FAM204A: variants seen among roughly 807,000 people sequenced by gnomAD.
FAM204A encodes the protein protein FAM204A.
In FAM204A, 16 loss-of-function variants were observed where a neutral mutation model predicts 35.4. The ratio of observed to expected loss-of-function variants is 0.45; its 90% CI spans 0.31 to 0.69. The LOEUF is 0.69. Among genes scored for constraint, FAM204A ranks in the 30% least tolerant of loss-of-function variants. The probability of loss-of-function intolerance (pLI) is 0.07; values close to 1 mark genes in which losing one functional copy is unlikely to be tolerated. For synonymous variants in FAM204A, 76 were observed against 86.9 expected (o/e 0.88, Z 0.70); for missense variants, 240 against 265.7 (o/e 0.90, Z 0.67).
At chr10:118,312,878 C>T (rs537561890) in intron 7 of FAM204A, among the ~76,000 whole-genome samples, 6 of 152,258 alleles carry the variant, frequency 3.9e-5, no homozygotes, top group Non-Finnish European at 7.4e-5. Context: ...TTGAGTGAAA[C>T]GGGTTGTTTT....
In FAM204A at chr10:118,303,198, G is replaced by A. The variant is rs1845827784; in HGVS notation, c.*7659C>T. ...TGTCTTTGGCTTTCTTAGAGGAATAGTGCAAGAGCACTGTATGGGAAGAGT... is the reference window on the plus strand; with the variant it reads ...TGTCTTTGGCTTTCTTAGAGGAATAATGCAAGAGCACTGTATGGGAAGAGT... On this transcript the variant is annotated 3_prime_UTR_variant, in exon 9 of 9. Coordinates refer to ENST00000369183, the MANE Select transcript of FAM204A (RefSeq NM_022063.3). 2.0e-5 allele frequency: 3 copies of A among 152,224 alleles called. No individual in the cohort carries two copies. Among genetic ancestry groups the A allele is most frequent in the Non-Finnish European group, 2.9e-5 (2 of 68,052 alleles). 9.4% of individuals were successfully genotyped at this position (152,224 alleles called of 1,614,324 possible).
intron 6 of FAM204A, among the ~76,000 whole-genome samples, chr10:118,328,385 A>G (rs975366876): frequency 6.6e-6 from 1 of 152,188 alleles, no homozygotes; most frequent in African/African-American, 2.4e-5. Flanking sequence ...GACTAGCAGT[A>G]TCAACATTAC....
At chr10:118,336,140 A>C (rs1190676439) in intron 3 of FAM204A, 42 bp downstream of exon 3, 4 of 1,589,886 alleles carry the variant, frequency 2.5e-6, no homozygotes, top group Admixed American at 1.7e-5. Context: ...AGGCATGTGC[A>C]CACACACAGG....
intron 6 of FAM204A, among the ~76,000 whole-genome samples, chr10:118,327,497 CTT>C (rs1184793210): frequency 6.6e-6 from 1 of 152,206 alleles, no homozygotes; most frequent in Non-Finnish European, 1.5e-5. Context: ...GCTTCATAGT[CTT>C]TGACCTGAGG....
chr10:118,314,715 A>AT, intron 7 of FAM204A, among the ~76,000 whole-genome samples: 1 of 152,216 alleles, frequency 6.6e-6, no homozygotes, highest in East Asian at 1.9e-4. Context: ...TCAGATAACT[A>AT]TAGCAACACA....
In FAM204A at chr10:118,335,570, T is replaced by A. The variant is rs1846370782; in HGVS notation, c.306A>T (p.Arg102Ser). Residue 102 changes from arginine to serine, a missense_variant, in exon 4 of 9, where the codon AGA becomes AGT. By Grantham distance (110) the Arg-to-Ser change is moderately radical. This residue lies in a region of FAM204A where 232 missense variants were observed against 242.8 expected (regional missense o/e 0.96). Coordinates refer to ENST00000369183, the MANE Select transcript of FAM204A (RefSeq NM_022063.3). ...ACAAAACACCTTTTCTGGAGCGTTT[T>A]CTTCTTTTCCCTCTGAATCTTGAGG... ...STTSRFRGKR[R>S]KRSRKDKLKN... 10 of 1,611,698 alleles carry A rather than the reference T, an allele frequency of 6.2e-6. No individual in the cohort carries two copies. Among genetic ancestry groups the A allele is most frequent in the Non-Finnish European group, 6.8e-6 (8 of 1,179,404 alleles).
At chr10:118,337,715 T>A (rs1234152888) in intron 2 of FAM204A, among the ~76,000 whole-genome samples, 7 of 152,162 alleles carry the variant, frequency 4.6e-5, no homozygotes, top group Non-Finnish European at 1.0e-4. Flanking sequence ...TGACCCTCAA[T>A]TTCTTTATCT....
chr10:118,312,712 A>C (rs1479645219), intron 7 of FAM204A, among the ~76,000 whole-genome samples: 2 of 152,210 alleles, frequency 1.3e-5, no homozygotes, highest in Non-Finnish European at 2.9e-5. Context: ...TGTAAAGCAG[A>C]CCAACCTCGG....
In FAM204A at chr10:118,300,791, C is replaced by T. The variant is rs945926428; in HGVS notation, c.*10066G>A. The T allele has an allele frequency of 9.9e-5, 15 of 152,114 alleles. No homozygotes were observed. Among genetic ancestry groups the T allele is most frequent in the Admixed American group, 9.8e-4 (15 of 15,274 alleles). 9.4% of individuals were successfully genotyped at this position (152,114 alleles called of 1,614,324 possible). On this transcript the variant is annotated 3_prime_UTR_variant, in exon 9 of 9. Transcript: ENST00000369183. ...CCTGAAAGGAAGTACAGTACTGGGG[C>T]CTTACTTCCCTAAAGACCCAGGGAG...
chr10:118,331,891 G>A (rs117867665), intron 6 of FAM204A, among the ~76,000 whole-genome samples: 6,681 of 148,684 alleles, frequency 0.045, 206 homozygotes, highest in Non-Finnish European at 0.06. Flanking sequence ...AATCAATTGA[G>A]TCGGCTGGGT....
rs1845876872 is a variant in FAM204A at position 118,307,226 on chromosome 10, G to A, written c.*3631C>T. 1 of 152,156 alleles carries A rather than the reference G, an allele frequency of 6.6e-6. No individual in the cohort carries two copies. The highest frequency in any genetic ancestry group is 2.1e-4 in the South Asian group (1 of 4,830). 9.4% of individuals were successfully genotyped at this position (152,156 alleles called of 1,614,324 possible). The stretch of plus-strand genomic sequence containing the variant: ...TTTTCGACCCGTCACCATGCTAGAA[G>A]GCACTGATGTCACAAATACCAGTCT... On this transcript the variant is annotated 3_prime_UTR_variant, in exon 9 of 9. Coordinates refer to ENST00000369183, the MANE Select transcript of FAM204A (RefSeq NM_022063.3).
chr10:118,340,308 C>T (rs1046015802), intron 2 of FAM204A, among the ~76,000 whole-genome samples: 1 of 152,110 alleles, frequency 6.6e-6, no homozygotes, highest in South Asian at 2.1e-4. Context: ...GCACTGGTTA[C>T]AGGGGGAAAA....
rs1234181183 is a variant in FAM204A, at chr10:118,307,166, C to T, written c.*3691G>A. On this transcript the variant is annotated 3_prime_UTR_variant, in exon 9 of 9. Coordinates refer to ENST00000369183, the MANE Select transcript of FAM204A (RefSeq NM_022063.3). The stretch of plus-strand genomic sequence containing the variant: ...ATAAAAATCACTTGAGATGCACTGC[C>T]GTGGGTTTACACAGCCTTCAACTTT... 1.3e-5 allele frequency: 2 copies of T among 152,152 alleles called. No homozygotes were observed. The highest frequency in any genetic ancestry group is 2.9e-5 in the Non-Finnish European group (2 of 68,030). 9.4% of individuals were successfully genotyped at this position (152,152 alleles called of 1,614,324 possible).
chr10:118,341,736 G>A lies in FAM204A; in HGVS notation c.-18C>T, dbSNP rs374102974. On this transcript the variant is annotated 5_prime_UTR_variant, in exon 2 of 9. Transcript: ENST00000369183. ...CTGTGAGAATACTTACAGGGTCCAA[G>A]ATTGCAAGAGGATGGGTCTAGAAAG... 6.6e-6 allele frequency: 1 copy of A among 152,140 alleles called. No individual in the cohort carries two copies. Among genetic ancestry groups the A allele is most frequent in the Non-Finnish European group, 1.5e-5 (1 of 68,044 alleles). 9.4% of individuals were successfully genotyped at this position (152,140 alleles called of 1,614,324 possible).
At chr10:118,320,797 A>G (rs1020826747) in intron 7 of FAM204A, among the ~76,000 whole-genome samples, 14 of 151,932 alleles carry the variant, frequency 9.2e-5, no homozygotes, top group African/African-American at 3.4e-4. Flanking sequence ...TGCCATCATT[A>G]ATTTAAGGGA....
chr10:118,336,459 A>C lies in FAM204A; in HGVS notation c.-8-36T>G, dbSNP rs747631930. The C allele has an allele frequency of 3.7e-5, 56 of 1,527,464 alleles. No individual in the cohort carries two copies. In the South Asian group the frequency reaches 6.7e-4, roughly 18 times the overall value. 94.6% of individuals were successfully genotyped at this position (1,527,464 alleles called of 1,614,324 possible). On this transcript the variant is annotated intron_variant, in intron 2 of 8. Transcript: ENST00000369183. The stretch of plus-strand genomic sequence containing the variant: ...AAAGATTAATTTACACATGTAGAAT[A>C]ACCATAGAAATAATTTTAAGACCAT...
rs973855152 is a variant in FAM204A at position 118,298,009 on chromosome 10, A to C, written c.*12848T>G. 22 of 152,356 alleles carry C rather than the reference A, an allele frequency of 1.4e-4. No homozygotes were observed. Among genetic ancestry groups the C allele is most frequent in the African/African-American group, 5.3e-4 (22 of 41,584 alleles). 9.4% of individuals were successfully genotyped at this position (152,356 alleles called of 1,614,324 possible). On this transcript the variant is annotated 3_prime_UTR_variant, in exon 9 of 9. Transcript: ENST00000369183. ...TATTATTGCCCTCCCTTACAGAACA[A>C]TGACCCAAAAAATTACCCAAGATCA...
Position 118,298,478 on chromosome 10 carries a change from A to C in FAM204A, c.*12379T>G, listed in dbSNP as rs1333434623. 1 of 152,176 alleles carries C rather than the reference A, an allele frequency of 6.6e-6. No homozygotes were observed. Among genetic ancestry groups the C allele is most frequent in the Non-Finnish European group, 1.5e-5 (1 of 68,036 alleles). 9.4% of individuals were successfully genotyped at this position (152,176 alleles called of 1,614,324 possible). A position where few individuals can be genotyped will look rare whatever the true frequency, so the allele number is the denominator to read the frequency against. On this transcript the variant is annotated 3_prime_UTR_variant, in exon 9 of 9. Transcript: ENST00000369183. ...TGTGTCAGAAAGCGTTCCTTGCATA[A>C]ACAGGTGTTATTTCCATGTACTTTT...
rs980727333 is a variant in FAM204A at position 118,304,127 on chromosome 10, T to C, written c.*6730A>G. ...AACTCCAACAGCCACCTCTCCACCATTATCTTGCCTGACAGCTCAGCGGCA... is the reference window on the plus strand; with the variant it reads ...AACTCCAACAGCCACCTCTCCACCACTATCTTGCCTGACAGCTCAGCGGCA... On this transcript the variant is annotated 3_prime_UTR_variant, in exon 9 of 9. Coordinates refer to ENST00000369183, the MANE Select transcript of FAM204A (RefSeq NM_022063.3). 3 of 152,184 alleles carry C rather than the reference T, an allele frequency of 2.0e-5. No individual in the cohort carries two copies. The highest frequency in any genetic ancestry group is 7.2e-5 in the African/African-American group (3 of 41,438). 9.4% of individuals were successfully genotyped at this position (152,184 alleles called of 1,614,324 possible).
Sources: allele counts gnomAD v4.1 joint callset (sites outside exome capture counted in the v4.1 genomes callset), GRCh38; gene constraint gnomAD v4.1.1; regional missense constraint gnomAD v4.1.1; transcripts MANE v1.5; gene names NCBI Gene and HGNC (gene_info 2026-07-23, HGNC 2026-07-21).